Variants in SEMA5A observed in about 807,000 individuals in gnomAD.
The protein encoded by SEMA5A is semaphorin 5A.
In SEMA5A, 55 loss-of-function variants were observed where a neutral mutation model predicts 135.5. That is an observed-to-expected ratio of 0.41 (90% CI 0.33 to 0.51). SEMA5A has a LOEUF of 0.51. Among genes scored for constraint, SEMA5A ranks in the 20% least tolerant of loss-of-function variants. The probability of loss-of-function intolerance (pLI) is 0.37; values close to 1 mark genes in which losing one functional copy is unlikely to be tolerated. For missense variants in SEMA5A, 1,290 were observed against 1,419.9 expected (o/e 0.91, Z 1.47); for synonymous variants, 580 against 546.5 (o/e 1.06, Z -0.85).
chr5:9,090,532 G>A (rs1288853837), intron 16 of SEMA5A, among the ~76,000 whole-genome samples: 3 of 152,294 alleles, frequency 2.0e-5, no homozygotes, highest in South Asian at 2.1e-4. Context: ...ATATGATGAC[G>A]GTTGGGGGAC....
intron 15 of SEMA5A, among the ~76,000 whole-genome samples, chr5:9,118,112 C>G (rs181174001): frequency 6.6e-6 from 1 of 152,254 alleles, no homozygotes; most frequent in African/African-American, 2.4e-5. Context: ...TAACTATATA[C>G]AGTATTTTTA....
At chr5:9,242,810 A>C (rs1748275463) in intron 5 of SEMA5A, among the ~76,000 whole-genome samples, 1 of 152,204 alleles carries the variant, frequency 6.6e-6, no homozygotes, top group South Asian at 2.1e-4. Flanking sequence ...TTTAGAAATT[A>C]ACTTAAAAAA....
chr5:9,282,115 C>T (rs541344915), intron 5 of SEMA5A, among the ~76,000 whole-genome samples: 1 of 152,258 alleles, frequency 6.6e-6, no homozygotes, highest in Non-Finnish European at 1.5e-5. Context: ...CCAGCCCAGG[C>T]ACCTTTTAAG....
At chr5:9,245,272 C>T (rs1748427141) in intron 5 of SEMA5A, among the ~76,000 whole-genome samples, 1 of 152,028 alleles carries the variant, frequency 6.6e-6, no homozygotes. Context: ...CTTAGGAGCC[C>T]TCTCAGTTAT....
rs940697747 is a variant in SEMA5A at position 9,038,620 on chromosome 5, T to C, written c.*4277A>G. ...TTTAGACAAAACGATTAGCTGAGTATAGACTTGATATATGTTTAAGGTAAA... is the reference window on the plus strand; with the variant it reads ...TTTAGACAAAACGATTAGCTGAGTACAGACTTGATATATGTTTAAGGTAAA... On this transcript the variant is annotated 3_prime_UTR_variant, in exon 23 of 23. Coordinates refer to ENST00000382496, the MANE Select transcript of SEMA5A (RefSeq NM_003966.3). 6.6e-6 allele frequency: 1 copy of C among 152,164 alleles called. No individual in the cohort carries two copies. The highest frequency in any genetic ancestry group is 2.4e-5 in the African/African-American group (1 of 41,438). The allele number at this position is 152,164 out of a possible 1,614,324, so 9.4% of individuals were successfully genotyped here.
rs142442797 is a variant in SEMA5A, at chr5:9,269,670, A to C, written c.271-31780T>G. Among the ~76,000 whole-genome samples the C allele has an allele frequency of 3.0e-3, 458 of 152,290 alleles. 7 individuals carry two copies. Among genetic ancestry groups the C allele is most frequent in the African/African-American group, 0.011 (437 of 41,566 alleles). On this transcript the variant is annotated intron_variant, in intron 5 of 22. Coordinates refer to ENST00000382496, the MANE Select transcript of SEMA5A (RefSeq NM_003966.3). ...TGTAAGAGTAGCAAAAGAGACATAA[A>C]ATATAAAATGTAAGATTATACATGG...
chr5:9,207,106 A>ATATATATATATATATG (rs1746068272), intron 8 of SEMA5A, among the ~76,000 whole-genome samples: 1 of 37,630 alleles, frequency 2.7e-5, no homozygotes, highest in Non-Finnish European at 6.0e-5. Flanking sequence ...TCAAGTGTAT[A>ATATATATATATATATG]TATATATATA....
intron 3 of SEMA5A, among the ~76,000 whole-genome samples, chr5:9,354,256 CTT>C (rs1196173517): frequency 6.6e-6 from 1 of 152,188 alleles, no homozygotes; most frequent in African/African-American, 2.4e-5. Flanking sequence ...AATAGTCACT[CTT>C]GTTTCCCAGC....
chr5:9,516,628 A>C (rs1227382790), intron 1 of SEMA5A: 1 of 152,236 alleles, frequency 6.6e-6, no homozygotes, highest in Non-Finnish European at 1.5e-5. Flanking sequence ...GACCATTTAC[A>C]AGGAGAGAGC....
At chr5:9,078,499 A>G (rs570378087) in intron 16 of SEMA5A, among the ~76,000 whole-genome samples, 1 of 152,046 alleles carries the variant, frequency 6.6e-6, no homozygotes, top group Non-Finnish European at 1.5e-5. Context: ...ATGCATGGGG[A>G]CATTTACCCC....
At chr5:9,357,134 T>C (rs1754485903) in intron 3 of SEMA5A, among the ~76,000 whole-genome samples, 1 of 152,222 alleles carries the variant, frequency 6.6e-6, no homozygotes. Flanking sequence ...TGGCAAGCCA[T>C]TAAAAATCTC....
At chr5:9,324,148 A>T (rs1752764981) in intron 4 of SEMA5A, among the ~76,000 whole-genome samples, 1 of 151,630 alleles carries the variant, frequency 6.6e-6, no homozygotes, top group East Asian at 1.9e-4. Context: ...GGCTCACTGC[A>T]AGCTCTGCCT....
At chr5:9,338,490 T>C (rs138268382) in intron 3 of SEMA5A, among the ~76,000 whole-genome samples, 129 of 152,280 alleles carry the variant, frequency 8.5e-4, no homozygotes, top group African/African-American at 3.0e-3. Flanking sequence ...GTCCGATAAT[T>C]ATAAAATGAC....
rs1554026678 is a variant in SEMA5A, at chr5:9,088,659, TAC to T, written c.2073+19479_2073+19480del. On this transcript the variant is annotated intron_variant, in intron 16 of 22. Coordinates refer to ENST00000382496, the MANE Select transcript of SEMA5A (RefSeq NM_003966.3). ...TATAATATATATATATATATATATA[TAC>T]ACACACACACTCATGGAATTCCACA... Among the ~76,000 whole-genome samples the T allele has an allele frequency of 1.9e-3, 211 of 112,628 alleles. 1 individual carries two copies. The highest frequency in any genetic ancestry group is 3.5e-3 in the African/African-American group (81 of 23,420). 73.9% of individuals were successfully genotyped at this position (112,628 alleles called of 152,430 possible).
At chr5:9,506,243 T>C (rs1409840654) in intron 1 of SEMA5A, among the ~76,000 whole-genome samples, 1 of 152,202 alleles carries the variant, frequency 6.6e-6, no homozygotes, top group Non-Finnish European at 1.5e-5. Context: ...ATTCAAGCCA[T>C]TGGTGAGGAG....
At chr5:9,311,346 C>T (rs1752122364) in intron 5 of SEMA5A, among the ~76,000 whole-genome samples, 1 of 152,002 alleles carries the variant, frequency 6.6e-6, no homozygotes, top group South Asian at 2.1e-4. Context: ...ACTCAATCCC[C>T]CCAACCCAGA....
intron 5 of SEMA5A, among the ~76,000 whole-genome samples, chr5:9,294,644 T>A (rs768199088): frequency 6.6e-6 from 1 of 152,162 alleles, no homozygotes; most frequent in Non-Finnish European, 1.5e-5. Flanking sequence ...ACACAACATA[T>A]GTCATCTGCT....
intron 12 of SEMA5A, 25 bp downstream of exon 12, chr5:9,154,463 C>T (rs1375182321): frequency 6.2e-7 from 1 of 1,609,654 alleles, no homozygotes; most frequent in Non-Finnish European, 8.5e-7. Flanking sequence ...CACACCAGTG[C>T]ATCCTGACCC....
chr5:9,289,509 C>CA (rs1750969608), intron 5 of SEMA5A, among the ~76,000 whole-genome samples: 2 of 151,432 alleles, frequency 1.3e-5, no homozygotes, highest in African/African-American at 4.9e-5. Flanking sequence ...ACAAAAAATA[C>CA]AAAAAATTAG....
Sources: gnomAD v4.1 joint callset for allele counts (sites outside exome capture counted in the v4.1 genomes callset) on GRCh38, gnomAD v4.1.1 for gene constraint, MANE v1.5 for transcripts, NCBI Gene and HGNC (gene_info 2026-07-23, HGNC 2026-07-21) for gene names.